VILL: variants seen among roughly 807,000 people sequenced by gnomAD.
VILL encodes the protein villin like, also known as villin-like protein.
In VILL, 102 loss-of-function variants were observed where a neutral mutation model predicts 106.3. That is an observed-to-expected ratio of 0.96 (90% CI 0.82 to 1.13). The LOEUF (loss-of-function observed/expected upper bound fraction) is 1.13, where lower values mean the gene tolerates loss of function less well. VILL is among the 50% of genes most tolerant of loss of function. The pLI is 0.00. For synonymous variants in VILL, 431 were observed against 440.3 expected (o/e 0.98, Z 0.27); for missense variants, 1,076 against 1,116.6 (o/e 0.96, Z 0.52).
upstream of VILL, among the ~76,000 whole-genome samples, chr3:37,989,640 C>CA (rs1699586811): frequency 6.6e-6 from 1 of 152,094 alleles, no homozygotes; most frequent in East Asian, 1.9e-4. Flanking sequence ...AGTGAGGACA[C>CA]AGAGTCTTCC....
chr3:38,000,949 G>A (rs181160900), intron 11 of VILL: 20 of 457,196 alleles, frequency 4.4e-5, no homozygotes, highest in African/African-American at 2.8e-4. Flanking sequence ...ACCAGAGTCC[G>A]CCTGGCTCCA....
At chr3:37,996,411 A>G (rs948200918) in intron 5 of VILL, among the ~76,000 whole-genome samples, 12 of 152,110 alleles carry the variant, frequency 7.9e-5, no homozygotes, top group Admixed American at 7.9e-4. Context: ...CCTTTCTTCC[A>G]TCTGTCAGGA....
chr3:37,989,294 G>A (rs909199038), upstream of VILL, among the ~76,000 whole-genome samples: 1 of 152,208 alleles, frequency 6.6e-6, no homozygotes, highest in African/African-American at 2.4e-5. Context: ...GGAGAGATGT[G>A]ACAGACGGAA....
intron 11 of VILL, 46 bp downstream of exon 11, chr3:37,999,485 A>G (rs368428421): frequency 4.9e-5 from 69 of 1,404,806 alleles, no homozygotes; most frequent in Non-Finnish European, 6.4e-5. Context: ...ACACGGAGGT[A>G]AGCTTTGCCT....
rs755606435 is a variant in VILL, at chr3:37,997,230, G to T, written c.561+43G>T. 2 of 1,587,762 alleles carry T rather than the reference G, an allele frequency of 1.3e-6. No individual in the cohort carries two copies. Among genetic ancestry groups the T allele is most frequent in the Non-Finnish European group, 1.7e-6 (2 of 1,157,128 alleles). Reference sequence around the variant, plus strand: ...GAACTGGGGAGTACGGGGCTTGGGCGGGGAATGATCCTCCAGTTGACCATC... The same window carrying T: ...GAACTGGGGAGTACGGGGCTTGGGCTGGGAATGATCCTCCAGTTGACCATC... On this transcript the variant is annotated intron_variant, in intron 6 of 19. Coordinates refer to ENST00000383759, the MANE Select transcript of VILL (RefSeq NM_015873.4). This position sits in a 1 kb window ranked among gnomAD's most constrained non-coding sequence, Gnocchi z 4.7.
chr3:37,998,998 C>T lies in VILL; in HGVS notation c.1029C>T (p.Leu343=), dbSNP rs760999277. ...DGAESAAFKQ[L]FRTWSEKRRR... ...CCGAGTCGGCCGCGTTCAAGCAGCT[C>T]TTCCGGACTTGGTCTGAGAAGCGGC... Residue 343 remains leucine (L), a synonymous_variant, in exon 10 of 20, where the codon CTC becomes CTT. Coordinates refer to ENST00000383759, the MANE Select transcript of VILL (RefSeq NM_015873.4). This position sits in a 1 kb window ranked among gnomAD's most constrained non-coding sequence, Gnocchi z 4.1. 13 of 1,605,954 alleles carry T rather than the reference C, an allele frequency of 8.1e-6. No homozygotes were observed. The highest frequency in any genetic ancestry group is 1.0e-5 in the Non-Finnish European group (12 of 1,176,544).
chr3:37,994,681 C>T (rs539138067), intron 4 of VILL, among the ~76,000 whole-genome samples: 91 of 152,352 alleles, frequency 6.0e-4, no homozygotes, highest in African/African-American at 1.8e-3. Flanking sequence ...GCAACCATCA[C>T]CACAATTTTA....
chr3:38,006,414 C>CCAT, intron 18 of VILL, 35 bp from the exon 19 acceptor site: 5 of 1,579,494 alleles, frequency 3.2e-6, no homozygotes, highest in Non-Finnish European at 4.3e-6. Context: ...TACTGATTCC[C>CCAT]CATCTTCCCC....
At chr3:37,989,881 A>T (rs7611147), upstream of VILL, among the ~76,000 whole-genome samples, 2 of 152,116 alleles carry the variant, frequency 1.3e-5, no homozygotes, top group African/African-American at 2.4e-5. Flanking sequence ...TGTTAAACAC[A>T]GTCACACACT....
chr3:37,992,380 A>G (rs1699622969), intron 1 of VILL, among the ~76,000 whole-genome samples: 1 of 152,030 alleles, frequency 6.6e-6, no homozygotes, highest in African/African-American at 2.4e-5. Context: ...CCTGTCACTC[A>G]TGTCATTGTC....
rs768784981 is a variant in VILL, at chr3:37,993,979, C to T, written c.135+7C>T. ...CTGCTATGTCATCCTCCACGTGAGTCGCTTGGGGAAGTCTGCCTGAGAGGG... is the reference window on the plus strand; with the variant it reads ...CTGCTATGTCATCCTCCACGTGAGTTGCTTGGGGAAGTCTGCCTGAGAGGG... On this transcript the variant is annotated splice_region_variant and intron_variant, in intron 3 of 19. Transcript: ENST00000383759. The T allele has an allele frequency of 3.7e-6, 6 of 1,614,018 alleles. No homozygotes were observed. Among genetic ancestry groups the T allele is most frequent in the Non-Finnish European group, 5.1e-6 (6 of 1,180,008 alleles).
At chr3:38,003,479 C>A in intron 15 of VILL, 166 bp downstream of exon 15, 1 of 887,246 alleles carries the variant, frequency 1.1e-6, no homozygotes, top group Non-Finnish European at 1.6e-6. Flanking sequence ...CCACGCTTCG[C>A]TCCCAGGCCT....
At chr3:38,005,762 G>A (rs914773786) in intron 16 of VILL, 30 bp from the exon 17 acceptor site, 14 of 1,585,246 alleles carry the variant, frequency 8.8e-6, no homozygotes, top group Non-Finnish European at 1.2e-5. Flanking sequence ...CCCTCCACCT[G>A]CCCAAGGCCA....
rs1317391701 is a variant in VILL, at chr3:37,999,018, A to C, written c.1049A>C (p.Lys350Thr). 1 of 1,538,608 alleles carries C rather than the reference A, an allele frequency of 6.5e-7. No homozygotes were observed. Among genetic ancestry groups the C allele is most frequent in the East Asian group, 2.6e-5 (1 of 38,566 alleles). ...FKQLFRTWSE[K>T]RRRNQKLGGR... is the part of the protein sequence containing the mutation. ...CAGCTCTTCCGGACTTGGTCTGAGA[A>C]GCGGCGCAGGAACCAGAAGCTCGGC... Residue 350 changes from lysine (K) to threonine (T), a missense_variant, in exon 10 of 20, where the codon AAG becomes ACG. Lys to Thr is a moderately conservative substitution (Grantham distance 78, BLOSUM62 -1). Transcript: ENST00000383759.
At chr3:37,989,239 T>C (rs760286603), upstream of VILL, among the ~76,000 whole-genome samples, 1 of 152,086 alleles carries the variant, frequency 6.6e-6, no homozygotes, top group Non-Finnish European at 1.5e-5. Context: ...AGGGTAGATC[T>C]GGGAGGGGCC....
In VILL at chr3:37,997,233, G is replaced by A; in HGVS notation, c.561+46G>A. ...CTGGGGAGTACGGGGCTTGGGCGGG[G>A]AATGATCCTCCAGTTGACCATCCTC... On this transcript the variant is annotated intron_variant, in intron 6 of 19. Transcript: ENST00000383759. This position sits in a 1 kb window ranked among gnomAD's most constrained non-coding sequence, Gnocchi z 4.7. The A allele has an allele frequency of 6.3e-7, 1 of 1,584,672 alleles. No individual in the cohort carries two copies. The highest frequency in any genetic ancestry group is 1.1e-5 in the South Asian group (1 of 90,308).
intron 10 of VILL, 77 bp from the exon 11 acceptor site, chr3:37,999,262 G>A (rs1318863612): frequency 1.6e-6 from 2 of 1,255,462 alleles, no homozygotes; most frequent in South Asian, 1.5e-5. Flanking sequence ...TGGAGGGATG[G>A]TTGAGGAGTG....
At chr3:37,989,682 G>T (rs537301036), upstream of VILL, among the ~76,000 whole-genome samples, 21 of 152,288 alleles carry the variant, frequency 1.4e-4, no homozygotes, top group African/African-American at 5.1e-4. Context: ...ACAGGGAAAC[G>T]GGTATGCACA....
intron 10 of VILL, 24 bp downstream of exon 10, chr3:37,999,074 C>T (rs1257943443): frequency 3.6e-5 from 3 of 83,130 alleles, no homozygotes; most frequent in African/African-American, 1.9e-4. Context: ...GCGGGGCTGA[C>T]GGGGGCGGGG....
Sources: allele counts gnomAD v4.1 joint callset (sites outside exome capture counted in the v4.1 genomes callset), GRCh38; gene constraint gnomAD v4.1.1; non-coding constraint Gnocchi (gnomAD v3.1); transcripts MANE v1.5; gene names NCBI Gene and HGNC (gene_info 2026-07-23, HGNC 2026-07-21).